FBXL5: variants seen among roughly 807,000 people sequenced by gnomAD.
The protein encoded by FBXL5 is F-box and leucine rich repeat protein 5, also known as F-box/LRR-repeat protein 5.
In FBXL5, 26 loss-of-function variants were observed where a neutral mutation model predicts 78.3. That is an observed-to-expected ratio of 0.33 (90% CI 0.24 to 0.46). FBXL5 has a LOEUF of 0.46. FBXL5 is among the 20% of genes least tolerant of loss of function. The pLI is 1.00. For missense variants in FBXL5, 710 were observed against 829.2 expected (o/e 0.86, Z 1.77); for synonymous variants, 295 against 282.5 (o/e 1.04, Z -0.45).
chr4:15,645,004 T>TA (rs1422426899), intron 1 of FBXL5, among the ~76,000 whole-genome samples: 1 of 152,194 alleles, frequency 6.6e-6, no homozygotes, highest in Non-Finnish European at 1.5e-5. Flanking sequence ...CTTCTAAACC[T>TA]AAAATTTCAT....
Position 15,636,615 on chromosome 4 carries a change from T to C in FBXL5, c.645A>G (p.Ser215=). Residue 215 remains serine (S), a synonymous_variant, in exon 5 of 11, where the codon TCA becomes TCG. Transcript: ENST00000341285. The part of the protein sequence containing the change: ...ITHLPPEVML[S]IFSYLNPQEL... ...CTTGAGGATTAAGATAGCTGAAAAT[T>C]GACAGCATTACCTCAGGAGGAAGAT... 2 of 1,614,058 alleles carry C rather than the reference T, an allele frequency of 1.2e-6. No individual in the cohort carries two copies. The highest frequency in any genetic ancestry group is 1.3e-5 in the African/African-American group (1 of 75,054).
At chr4:15,627,050 T>G in intron 7 of FBXL5, 95 bp from the exon 8 acceptor site, 3 of 607,472 alleles carry the variant, frequency 4.9e-6, no homozygotes, top group Non-Finnish European at 5.6e-6. Context: ...GTTCACAAAC[T>G]TTTGTGAATA....
intron 6 of FBXL5, among the ~76,000 whole-genome samples, 187 bp from the exon 7 acceptor site, chr4:15,628,220 AG>A (rs1713267171): frequency 6.6e-6 from 1 of 152,230 alleles, no homozygotes; most frequent in South Asian, 2.1e-4. Context: ...GAACAGCAAA[AG>A]TTTTCAAGAG....
chr4:15,640,833 C>T lies in FBXL5; in HGVS notation c.351G>A (p.Glu117=). 6.4e-7 allele frequency: 1 copy of T among 1,567,880 alleles called. No individual in the cohort carries two copies. Among genetic ancestry groups the T allele is most frequent in the Non-Finnish European group, 8.6e-7 (1 of 1,160,530 alleles). Residue 117 remains glutamate (E), a synonymous_variant, in exon 3 of 11, where the codon GAG becomes GAA. Coordinates refer to ENST00000341285, the MANE Select transcript of FBXL5 (RefSeq NM_012161.4). ...GAGGAAGAAAATCTCTTGTAAAAGCCTCCAATCTCTCTTTCAGTTGTTTTG... is the reference window on the plus strand; with the variant it reads ...GAGGAAGAAAATCTCTTGTAAAAGCTTCCAATCTCTCTTTCAGTTGTTTTG... ...NYAKQLKERL[E]AFTRDFLPHM... is the part of the protein sequence containing the mutation.
intron 1 of FBXL5, among the ~76,000 whole-genome samples, chr4:15,677,550 G>A (rs1206039112): frequency 2.0e-5 from 3 of 152,146 alleles, no homozygotes; most frequent in Admixed American, 6.5e-5. Flanking sequence ...TGGAGACTGA[G>A]TTCAAATAAG....
In FBXL5 at chr4:15,638,665, A is replaced by G. The variant is rs1714525164; in HGVS notation, c.426T>C (p.Phe142=). Reference sequence around the variant, plus strand: ...TAATATCCTTAAGCTCTTCATAGGTAAAATATTCCATTAACATGGGCTGAA... The same window carrying G: ...TAATATCCTTAAGCTCTTCATAGGTGAAATATTCCATTAACATGGGCTGAA... The part of the protein sequence containing the change: ...EVFQPMLMEY[F]TYEELKDIKK... Residue 142 remains phenylalanine, a synonymous_variant, in exon 4 of 11, where the codon TTT becomes TTC. Coordinates refer to ENST00000341285, the MANE Select transcript of FBXL5 (RefSeq NM_012161.4). The G allele has an allele frequency of 6.2e-7, 1 of 1,600,238 alleles. No homozygotes were observed. The highest frequency in any genetic ancestry group is 1.3e-5 in the African/African-American group (1 of 74,152).
intron 1 of FBXL5, among the ~76,000 whole-genome samples, chr4:15,677,034 G>A (rs1718018897): frequency 6.6e-6 from 1 of 152,096 alleles, no homozygotes; most frequent in African/African-American, 2.4e-5. Context: ...TTATATTAAG[G>A]TCAAAAAGAG....
chr4:15,626,631 C>A (rs898371346), intron 8 of FBXL5, among the ~76,000 whole-genome samples: 1 of 152,156 alleles, frequency 6.6e-6, no homozygotes. Context: ...GGTTGCACAG[C>A]AGGGCTCAAG....
intron 9 of FBXL5, among the ~76,000 whole-genome samples, chr4:15,624,152 C>T (rs1712770489): frequency 6.6e-6 from 1 of 152,024 alleles, no homozygotes; most frequent in Admixed American, 6.6e-5. Flanking sequence ...AGTATCTTTT[C>T]TAATGGTAGG....
At chr4:15,626,777 A>T (rs774759557) in intron 8 of FBXL5, 96 bp downstream of exon 8, 55 of 847,702 alleles carry the variant, frequency 6.5e-5, no homozygotes, top group Non-Finnish European at 9.5e-5. Flanking sequence ...CTGAGATTTG[A>T]TAGTAAAAAA....
intron 1 of FBXL5, among the ~76,000 whole-genome samples, chr4:15,668,548 G>A (rs558150253): frequency 7.9e-4 from 120 of 151,376 alleles, no homozygotes; most frequent in Non-Finnish European, 1.3e-3. Context: ...AGCCAACATC[G>A]TACAAGTCAC....
chr4:15,630,154 T>C (rs1211281448), intron 6 of FBXL5, among the ~76,000 whole-genome samples: 1 of 152,208 alleles, frequency 6.6e-6, no homozygotes, highest in African/African-American at 2.4e-5. Flanking sequence ...CCACAGTGTT[T>C]AATGAATGGC....
upstream of FBXL5, among the ~76,000 whole-genome samples, chr4:15,664,653 G>T (rs766108876): frequency 6.7e-5 from 10 of 148,852 alleles, no homozygotes; most frequent in Non-Finnish European, 1.2e-4. Flanking sequence ...TGCCTCCCGG[G>T]TTCAAGCAAT....
At chr4:15,628,276 G>A (rs1713272753) in intron 6 of FBXL5, among the ~76,000 whole-genome samples, 1 of 152,094 alleles carries the variant, frequency 6.6e-6, no homozygotes, top group South Asian at 2.1e-4. Flanking sequence ...ATAGTAAAAC[G>A]TACTATCACT....
intron 6 of FBXL5, 112 bp downstream of exon 6, chr4:15,630,554 C>A: frequency 1.0e-6 from 1 of 966,516 alleles, no homozygotes; most frequent in Non-Finnish European, 1.4e-6. Context: ...CTTAGAAACA[C>A]CAGTTTCTTT....
upstream of FBXL5, among the ~76,000 whole-genome samples, chr4:15,661,315 G>C (rs1423367814): frequency 3.9e-5 from 6 of 152,178 alleles, no homozygotes; most frequent in Non-Finnish European, 8.8e-5. Context: ...AAATGGGTTG[G>C]AGTGTGGAAC....
At chr4:15,659,509 T>C (rs1257909303), upstream of FBXL5, among the ~76,000 whole-genome samples, 4 of 152,300 alleles carry the variant, frequency 2.6e-5, no homozygotes, top group East Asian at 1.9e-4. Context: ...ACCAGGAGAA[T>C]GTGAGCTGCA....
intron 9 of FBXL5, among the ~76,000 whole-genome samples, chr4:15,616,048 C>T (rs1320852505): frequency 6.6e-6 from 1 of 151,976 alleles, no homozygotes; most frequent in Non-Finnish European, 1.5e-5. Context: ...GAGGAATGAA[C>T]AACTCCAGAC....
chr4:15,605,472 A>G lies in FBXL5; in HGVS notation c.*251T>C, dbSNP rs1721824843. On this transcript the variant is annotated 3_prime_UTR_variant, in exon 11 of 11. Transcript: ENST00000341285. ...CAACATTCTTTAAAGCATTTCATTT[A>G]AAAGAAAAATGTAAGACTGTTCTCA... The G allele has an allele frequency of 2.7e-6, 1 of 376,896 alleles. No individual in the cohort carries two copies. The highest frequency in any genetic ancestry group is 5.0e-5 in the East Asian group (1 of 20,070). The allele number at this position is 376,896 out of a possible 1,614,324, so 23.3% of individuals were successfully genotyped here.
Sources: gnomAD v4.1 joint callset for allele counts (sites outside exome capture counted in the v4.1 genomes callset) on GRCh38, gnomAD v4.1.1 for gene constraint, MANE v1.5 for transcripts, NCBI Gene and HGNC (gene_info 2026-07-23, HGNC 2026-07-21) for gene names.